Variants in DDX46 observed in about 807,000 individuals in gnomAD.
The protein encoded by DDX46 is probable ATP-dependent RNA helicase DDX46.
DDX46 carries 30 observed loss-of-function variants against 134.9 expected under a neutral mutation model. That is an observed-to-expected ratio of 0.22 (90% CI 0.17 to 0.30). The LOEUF (loss-of-function observed/expected upper bound fraction) is 0.30. Among genes scored for constraint, DDX46 ranks in the 10% least tolerant of loss-of-function variants. The pLI, the probability that DDX46 is intolerant of heterozygous loss-of-function variation, is 1.00. For missense variants in DDX46, 622 were observed against 1,248.7 expected, an observed-to-expected ratio of 0.50 and a Z score of 7.56; for synonymous variants, 415 against 404.1, an observed-to-expected ratio of 1.03 and a Z score of -0.32.
At chr5:134,800,218 G>A (rs1754786103) in intron 15 of DDX46, among the ~76,000 whole-genome samples, 1 of 152,110 alleles carries the variant, frequency 6.6e-6, no homozygotes, top group Admixed American at 6.5e-5. Flanking sequence ...AAAGTGCTGG[G>A]GTTACAGGCG....
At chr5:134,798,439 A>G (rs1428194872) in intron 15 of DDX46, among the ~76,000 whole-genome samples, 3 of 151,576 alleles carry the variant, frequency 2.0e-5, no homozygotes, top group African/African-American at 7.3e-5. Flanking sequence ...CTGACCTCAG[A>G]TAATCCACTT....
intron 15 of DDX46, among the ~76,000 whole-genome samples, chr5:134,799,924 C>T (rs954720227): frequency 2.6e-5 from 4 of 152,084 alleles, no homozygotes; most frequent in Admixed American, 6.6e-5. Flanking sequence ...CTCAGTTTAT[C>T]TCTGTCCCTA....
intron 22 of DDX46, 52 bp from the exon 23 acceptor site, chr5:134,828,599 TTTTTTTTG>T: frequency 8.1e-7 from 1 of 1,233,560 alleles, no homozygotes; most frequent in South Asian, 1.9e-5. Context: ...GGTTCGTTTT[TTTTTTTTG>T]TTTTTTTTGT....
chr5:134,802,105 A>G (rs2150152065), intron 15 of DDX46, among the ~76,000 whole-genome samples: 1 of 148,400 alleles, frequency 6.7e-6, no homozygotes. Context: ...TGCTTTGTTC[A>G]GTCTTTTTCA....
intron 11 of DDX46, among the ~76,000 whole-genome samples, chr5:134,786,738 G>A (rs1040481295): frequency 1.3e-5 from 2 of 152,102 alleles, no homozygotes; most frequent in Non-Finnish European, 2.9e-5. Context: ...TCAGCTACTC[G>A]GTAGGCTGAG....
Position 134,818,902 on chromosome 5 carries a change from A to G in DDX46, c.2875A>G (p.Ile959Val). The G allele has an allele frequency of 2.5e-6, 4 of 1,613,854 alleles. No individual in the cohort carries two copies. Among genetic ancestry groups the G allele is most frequent in the Non-Finnish European group, 3.4e-6 (4 of 1,179,916 alleles). Residue 959 changes from isoleucine to valine, a missense_variant, in exon 21 of 23, where the codon ATC becomes GTC. Transcript: ENST00000452510. ...KVTSKEALQR[I>V]SEYSEAAITI... ...TACCTCTAAGGAAGCTCTGCAGAGA[A>G]TCAGTGAATACTCTGAAGCCGCAAT...
chr5:134,799,741 GAAAA>G (rs113261672), intron 15 of DDX46, among the ~76,000 whole-genome samples: 1 of 106,288 alleles, frequency 9.4e-6, no homozygotes, highest in South Asian at 3.1e-4. Context: ...TCCGTCTCAA[GAAAA>G]AAAAAAAAAA....
At chr5:134,764,548 G>T (rs150205750) in intron 2 of DDX46, among the ~76,000 whole-genome samples, 2 of 152,130 alleles carry the variant, frequency 1.3e-5, no homozygotes, top group African/African-American at 4.8e-5. Context: ...CTCCCAAAGT[G>T]CTGGGATTAC....
chr5:134,773,088 C>G (rs1196148755), intron 4 of DDX46, among the ~76,000 whole-genome samples: 1 of 151,972 alleles, frequency 6.6e-6, no homozygotes, highest in Non-Finnish European at 1.5e-5. Context: ...GTGTAAGCCA[C>G]CATGCCTGGC....
intron 16 of DDX46, 101 bp downstream of exon 16, chr5:134,808,042 A>T: frequency 9.2e-7 from 1 of 1,088,866 alleles, no homozygotes; most frequent in Non-Finnish European, 1.3e-6. Context: ...AGACATTTTG[A>T]AAATCTTTAA....
In DDX46 at chr5:134,790,330, T is replaced by A; in HGVS notation, c.1544-140T>A. On this transcript the variant is annotated intron_variant, in intron 12 of 22. Coordinates refer to ENST00000452510, the MANE Select transcript of DDX46 (RefSeq NM_001300860.2). ...TAGATCAAAATTTCTTTTCACTTTT[T>A]AAAGATACCTAACTTACCCCTCTGG... The A allele has an allele frequency of 2.3e-5, 16 of 701,470 alleles. No homozygotes were observed. In the South Asian group the frequency reaches 2.8e-4, roughly 12 times the overall value. The allele number at this position is 701,470 out of a possible 1,614,324, so 43.5% of individuals were successfully genotyped here.
chr5:134,763,765 C>T, intron 1 of DDX46, 139 bp from the exon 2 acceptor site: 5 of 1,012,528 alleles, frequency 4.9e-6, no homozygotes, highest in African/African-American at 3.3e-5. Flanking sequence ...CATTTTTTCC[C>T]TCCTAATTTT....
At chr5:134,771,970 C>A (rs1223984143) in intron 4 of DDX46, among the ~76,000 whole-genome samples, 1 of 152,180 alleles carries the variant, frequency 6.6e-6, no homozygotes, top group Admixed American at 6.5e-5. Flanking sequence ...GTGGCTCGTG[C>A]CTGTAATCTC....
intron 9 of DDX46, 80 bp downstream of exon 9, chr5:134,783,145 A>G: frequency 6.6e-7 from 1 of 1,503,956 alleles, no homozygotes; most frequent in South Asian, 1.3e-5. Context: ...TCCCTGAGTT[A>G]CATTTTTACT....
At chr5:134,773,409 GC>G (rs1187942804) in intron 4 of DDX46, among the ~76,000 whole-genome samples, 1 of 152,194 alleles carries the variant, frequency 6.6e-6, no homozygotes. Context: ...GTTTATGTGT[GC>G]ATAATGCTTG....
At chr5:134,804,732 AT>A (rs953662013) in intron 15 of DDX46, 221 of 253,552 alleles carry the variant, frequency 8.7e-4, no homozygotes, top group South Asian at 2.1e-3. Flanking sequence ...TGTCATTGCT[AT>A]TTTTTTTAGT....
rs749404059 is a variant in DDX46 at position 134,828,742 on chromosome 5, A to G, written c.*36A>G. 1.6e-5 allele frequency: 22 copies of G among 1,408,342 alleles called. No homozygotes were observed. The highest frequency in any genetic ancestry group is 1.9e-5 in the Non-Finnish European group (20 of 1,063,184). 87.2% of individuals were successfully genotyped at this position (1,408,342 alleles called of 1,614,324 possible). ...AAAAGATTTTTACCTGTGCTGGTCT[A>G]TGATGTATGTGGCAGTTGCTGTCTG... On this transcript the variant is annotated 3_prime_UTR_variant, in exon 23 of 23. Transcript: ENST00000452510.
rs367648015 is a variant in DDX46 at position 134,758,903 on chromosome 5, G to T, written c.-36G>T. On this transcript the variant is annotated 5_prime_UTR_variant, in exon 1 of 23. Transcript: ENST00000452510. ...TGTTTGTCCGGTTCGCCTGTGCGTG[G>T]TACTCAAGGGCACCAGTATTCCCGC... is the stretch of plus-strand genomic sequence containing the variant. 8.9e-5 allele frequency: 144 copies of T among 1,613,504 alleles called. No homozygotes were observed. The highest frequency in any genetic ancestry group is 1.2e-4 in the Non-Finnish European group (137 of 1,179,872).
chr5:134,773,299 A>T (rs1239911917), intron 4 of DDX46, among the ~76,000 whole-genome samples: 1 of 152,198 alleles, frequency 6.6e-6, no homozygotes. Context: ...ATTGCTTTTC[A>T]TAGAGGCAAT....
Sources: allele counts gnomAD v4.1 joint callset (sites outside exome capture counted in the v4.1 genomes callset), GRCh38; gene constraint gnomAD v4.1.1; transcripts MANE v1.5; gene names NCBI Gene and HGNC (gene_info 2026-07-23, HGNC 2026-07-21).